LRRC66: variants seen among roughly 807,000 people sequenced by gnomAD.
LRRC66 encodes the protein leucine rich repeat containing 66.
LRRC66 carries 29 observed loss-of-function variants against 24.6 expected under a neutral mutation model. The ratio of observed to expected loss-of-function variants is 1.18; its 90% CI spans 0.88 to 1.61. The LOEUF (loss-of-function observed/expected upper bound fraction) is 1.61. LRRC66 is among the 40% of genes most tolerant of loss of function. The pLI, the probability that LRRC66 is intolerant of heterozygous loss-of-function variation, is 0.00. For missense variants in LRRC66, 1,124 were observed against 1,058.0 expected, an observed-to-expected ratio of 1.06 and a Z score of -0.87; for synonymous variants, 411 against 397.6, an observed-to-expected ratio of 1.03 and a Z score of -0.40.
rs1560555663 is a variant in LRRC66 at position 51,995,332 on chromosome 4, C to CG, written c.1689dup (p.Ala564ArgfsTer9). ...TCATAACGGCTTGAGCCAGAGACAG[C>CG]GTGAGACGTGCCAGCTACAGAAGAG... is the stretch of plus-strand genomic sequence containing the variant. On this transcript the variant is annotated frameshift_variant, in exon 5 of 5. Transcript: ENST00000682860. LOFTEE classifies it low-confidence loss of function (END_TRUNC). The CG allele has an allele frequency of 1.2e-6, 2 of 1,614,010 alleles. No individual in the cohort carries two copies. Among genetic ancestry groups the CG allele is most frequent in the East Asian group, 2.2e-5 (1 of 44,888 alleles).
At chr4:52,011,408 G>C (rs1038075733) in intron 2 of LRRC66, among the ~76,000 whole-genome samples, 3 of 152,168 alleles carry the variant, frequency 2.0e-5, no homozygotes, top group Non-Finnish European at 1.5e-5. Flanking sequence ...GTGGTTCAGA[G>C]AGTCAGAGGA....
At chr4:51,999,905 A>C (rs1358299902) in intron 3 of LRRC66, among the ~76,000 whole-genome samples, 1 of 152,246 alleles carries the variant, frequency 6.6e-6, no homozygotes, top group Non-Finnish European at 1.5e-5. Flanking sequence ...TGCTAATTTG[A>C]AATGTCAGTG....
At chr4:52,017,083 G>C (rs774725241) in intron 2 of LRRC66, 35 bp downstream of exon 2, 1 of 1,564,648 alleles carries the variant, frequency 6.4e-7, no homozygotes, top group Non-Finnish European at 8.6e-7. Context: ...CTCCACGTAA[G>C]CATTGTTTCT....
In LRRC66 at chr4:51,994,978, C is replaced by T. The variant is rs932527583; in HGVS notation, c.2044G>A (p.Ala682Thr). The T allele has an allele frequency of 4.2e-5, 67 of 1,614,028 alleles. No homozygotes were observed. The Admixed American group carries it at 1.1e-3, about 26-fold the overall frequency. ...RWDSGLDVTPANKEPVQKSTP... is the reference protein window; with the variant it reads ...RWDSGLDVTPTNKEPVQKSTP... ...GATTTCTGCACTGGTTCCTTGTTAG[C>T]AGGAGTGACATCCAGGCCACTGTCC... The change falls in exon 5 of 5, where the codon GCT becomes ACT. Residue 682 changes from alanine (A) to threonine (T), a missense_variant. Coordinates refer to ENST00000682860, the MANE Select transcript of LRRC66 (RefSeq NM_001024611.3).
intron 2 of LRRC66, among the ~76,000 whole-genome samples, chr4:52,007,263 C>T (rs1211872622): frequency 1.3e-5 from 2 of 152,192 alleles, no homozygotes; most frequent in Non-Finnish European, 2.9e-5. Context: ...ACTGTAACCT[C>T]GAACTCCTAG....
intron 2 of LRRC66, among the ~76,000 whole-genome samples, 177 bp from the exon 3 acceptor site, chr4:52,003,569 T>TCAA (rs1246880332): frequency 1.3e-5 from 2 of 152,130 alleles, no homozygotes; most frequent in African/African-American, 4.8e-5. Context: ...ATGAGACAGA[T>TCAA]CAACATATAA....
intron 2 of LRRC66, among the ~76,000 whole-genome samples, chr4:52,005,100 T>C (rs1736542670): frequency 6.6e-6 from 1 of 152,204 alleles, no homozygotes; most frequent in South Asian, 2.1e-4. Context: ...TTTGATAGAA[T>C]ATAGTATATA....
intron 1 of LRRC66, among the ~76,000 whole-genome samples, chr4:52,019,322 G>A (rs184841605): frequency 2.6e-5 from 4 of 151,766 alleles, no homozygotes; most frequent in East Asian, 1.9e-4. Context: ...AACATTCAGC[G>A]TTGCTATTGT....
chr4:51,994,142 C>T lies in LRRC66; in HGVS notation c.*237G>A, dbSNP rs775680531. ...TCAAAATATTCCCCTCTTTCTCTTT[C>T]ACACTGAAGAGCAGGTTCATCCCCA... On this transcript the variant is annotated 3_prime_UTR_variant, in exon 5 of 5. Coordinates refer to ENST00000682860, the MANE Select transcript of LRRC66 (RefSeq NM_001024611.3). 4.3e-6 allele frequency: 2 copies of T among 462,232 alleles called. No individual in the cohort carries two copies. The highest frequency in any genetic ancestry group is 7.6e-6 in the Non-Finnish European group (2 of 263,340). The allele number at this position is 462,232 out of a possible 1,614,324, so 28.6% of individuals were successfully genotyped here.
chr4:52,012,673 A>G (rs1464887521), intron 2 of LRRC66, among the ~76,000 whole-genome samples: 1 of 152,180 alleles, frequency 6.6e-6, no homozygotes, highest in Non-Finnish European at 1.5e-5. Flanking sequence ...GGTACATTTT[A>G]TACTTCAAGA....
Position 51,994,273 on chromosome 4 carries a change from A to G in LRRC66, c.*106T>C. Reference sequence around the variant, plus strand: ...ATCAGTGTCCACTTGGTTGGAATTCATGTTGTCTCCTTCAGGATCTTGTTG... The same window carrying G: ...ATCAGTGTCCACTTGGTTGGAATTCGTGTTGTCTCCTTCAGGATCTTGTTG... On this transcript the variant is annotated 3_prime_UTR_variant, in exon 5 of 5. Transcript: ENST00000682860. 1 of 1,092,664 alleles carries G rather than the reference A, an allele frequency of 9.2e-7. No individual in the cohort carries two copies. Among genetic ancestry groups the G allele is most frequent in the Non-Finnish European group, 1.3e-6 (1 of 779,392 alleles). The allele number at this position is 1,092,664 out of a possible 1,614,324, so 67.7% of individuals were successfully genotyped here.
At position 51,994,391 on chromosome 4, in the gene LRRC66, G is replaced by A. The variant is rs761291171; in HGVS notation, c.2631C>T (p.Asp877=). Residue 877 remains aspartate (D), a synonymous_variant, in exon 5 of 5, where the codon GAC becomes GAT. Transcript: ENST00000682860. ...TAATGAAAGATTCTTATTTTAAAAT[G>A]TCTGAGTCTCTTTCATGGAAGGCAG... The part of the protein sequence containing the change: ...DKAAFHERDS[D]ILK The A allele has an allele frequency of 5.5e-5, 88 of 1,609,150 alleles. No individual in the cohort carries two copies. The highest frequency in any genetic ancestry group is 1.6e-4 in the African/African-American group (12 of 74,604).
chr4:51,995,157 T>C lies in LRRC66; in HGVS notation c.1865A>G (p.Lys622Arg), dbSNP rs762737662. The C allele has an allele frequency of 1.9e-6, 3 of 1,614,236 alleles. No homozygotes were observed. Among genetic ancestry groups the C allele is most frequent in the Non-Finnish European group, 2.5e-6 (3 of 1,180,040 alleles). Residue 622 changes from lysine to arginine, a missense_variant, in exon 5 of 5, where the codon AAG (lysine) becomes AGG (arginine). Coordinates refer to ENST00000682860, the MANE Select transcript of LRRC66 (RefSeq NM_001024611.3). ...SLWDSQMEFS[K>R]ERQVSSSIDL... ...AATGGATGAACTCACTTGCCTTTCC[T>C]TAGAAAATTCCATCTGCGAGTCCCA...
At chr4:52,019,647 T>C (rs964788681) in intron 1 of LRRC66, among the ~76,000 whole-genome samples, 4 of 152,160 alleles carry the variant, frequency 2.6e-5, no homozygotes, top group African/African-American at 4.8e-5. Context: ...ATACTAGAAA[T>C]TGAATTGATT....
rs769074518 is a variant in LRRC66, at chr4:51,994,645, C to T, written c.2377G>A (p.Ala793Thr). ...CCCTCAGATCTATCAGTGTCAGAGG[C>T]ATTTTCCAGATGAGTCTTGTACATG... ...SGMYKTHLEN[A>T]SDTDRSEGLS... The change falls in exon 5 of 5, where the codon GCC becomes ACC. Residue 793 changes from alanine (A) to threonine (T), a missense_variant. Coordinates refer to ENST00000682860, the MANE Select transcript of LRRC66 (RefSeq NM_001024611.3). 2 of 1,614,168 alleles carry T rather than the reference C, an allele frequency of 1.2e-6. No homozygotes were observed. The highest frequency in any genetic ancestry group is 1.7e-6 in the Non-Finnish European group (2 of 1,180,020).
intron 2 of LRRC66, among the ~76,000 whole-genome samples, chr4:52,009,690 C>T (rs1736655878): frequency 1.3e-5 from 2 of 152,054 alleles, no homozygotes; most frequent in Admixed American, 1.3e-4. Context: ...TGAAAGTAAA[C>T]TTGTAATTAA....
Position 51,995,275 on chromosome 4 carries a change from C to A in LRRC66, c.1747G>T (p.Glu583Ter). Residue 583 changes from glutamate (E) to a stop codon, truncating the protein, a stop_gained, in exon 5 of 5, where the codon GAA (glutamate) becomes TAA (stop). Coordinates refer to ENST00000682860, the MANE Select transcript of LRRC66 (RefSeq NM_001024611.3). LOFTEE classifies it low-confidence loss of function (END_TRUNC). Reference sequence around the variant, plus strand: ...ATTTTACAGAGGGAAGCTGTTATTTCTCCGGAGAGGGAAGGGTCTAATTCA... The same window carrying A: ...ATTTTACAGAGGGAAGCTGTTATTTATCCGGAGAGGGAAGGGTCTAATTCA... ...SNELDPSLSG[E>*]ITASLCKMLT... 6.2e-7 allele frequency: 1 copy of A among 1,614,176 alleles called. No individual in the cohort carries two copies. The highest frequency in any genetic ancestry group is 8.5e-7 in the Non-Finnish European group (1 of 1,180,046).
chr4:52,018,065 A>C (rs767983266), intron 1 of LRRC66: 2 of 985,322 alleles, frequency 2.0e-6, no homozygotes, highest in Non-Finnish European at 2.4e-6. Context: ...AACCAGTTAC[A>C]CTAAACCGTG....
intron 4 of LRRC66, 38 bp from the exon 5 acceptor site, chr4:51,996,203 A>T: frequency 2.7e-6 from 4 of 1,494,620 alleles, no homozygotes; most frequent in Non-Finnish European, 3.6e-6. Flanking sequence ...TTGAGCGAAC[A>T]TTGAAATAAG....
Sources: gnomAD v4.1 joint callset for allele counts (sites outside exome capture counted in the v4.1 genomes callset) on GRCh38, gnomAD v4.1.1 for gene constraint, MANE v1.5 for transcripts, NCBI Gene and HGNC (gene_info 2026-07-23, HGNC 2026-07-21) for gene names.